The following TRERF1 variants were observed in gnomAD, a reference collection of about 807,000 sequenced individuals.
TRERF1 encodes transcriptional regulating factor 1.
In TRERF1, 27 loss-of-function variants were observed where a neutral mutation model predicts 122.9. The observed-to-expected ratio is 0.22, with a 90% CI of 0.16 to 0.30. The LOEUF (loss-of-function observed/expected upper bound fraction) is 0.30, where lower values mean the gene tolerates loss of function less well. Ranked by LOEUF, TRERF1 falls within the 10% of genes least tolerant of loss-of-function variation. TRERF1 has a pLI of 1.00. For synonymous variants in TRERF1, 636 were observed against 641.7 expected, an observed-to-expected ratio of 0.99 and a Z score of 0.13; for missense variants, 1,248 against 1,560.3, an observed-to-expected ratio of 0.80 and a Z score of 3.37.
In TRERF1 at chr6:42,228,696, A is replaced by G; in HGVS notation, c.3279-27T>C. On this transcript the variant is annotated intron_variant, in intron 17 of 17. Coordinates refer to ENST00000372922, the Ensembl canonical transcript of TRERF1. The surrounding 1 kb of genome is among the most constrained non-coding windows in gnomAD (Gnocchi z 4.2). ...TAAAAATAAAGAAAGAGAGGTGTGT[A>G]GAATTTAGAAGGAGATCTGAGTTCT... 1 of 1,555,452 alleles carries G rather than the reference A, an allele frequency of 6.4e-7. No homozygotes were observed. Among genetic ancestry groups the G allele is most frequent in the Non-Finnish European group, 8.7e-7 (1 of 1,153,738 alleles).
intron 2 of TRERF1, among the ~76,000 whole-genome samples, chr6:42,436,047 T>C (rs1785294277): frequency 6.6e-6 from 1 of 152,020 alleles, no homozygotes; most frequent in Admixed American, 6.6e-5. Context: ...ACTCCATAAA[T>C]ATCTGTTGAA....
chr6:42,402,043 A>T (rs1021716367), intron 2 of TRERF1, among the ~76,000 whole-genome samples: 2 of 152,356 alleles, frequency 1.3e-5, no homozygotes, highest in Non-Finnish European at 2.9e-5. Context: ...ATAAACCTCT[A>T]GTCTAGAAGC....
At chr6:42,399,754 T>A (rs1269752341) in intron 2 of TRERF1, among the ~76,000 whole-genome samples, 6 of 152,154 alleles carry the variant, frequency 3.9e-5, no homozygotes, top group South Asian at 2.1e-4. Flanking sequence ...CAGTGGGTCA[T>A]TGAGACTAGA....
At chr6:42,260,636 C>A (rs985452512) in intron 8 of TRERF1, among the ~76,000 whole-genome samples, 2 of 152,138 alleles carry the variant, frequency 1.3e-5, no homozygotes, top group Admixed American at 6.5e-5. Context: ...ACGGGGATAC[C>A]TGAGGGAAGG....
intron 2 of TRERF1, among the ~76,000 whole-genome samples, chr6:42,401,155 G>C (rs144405651): frequency 2.6e-5 from 4 of 152,178 alleles, no homozygotes; most frequent in African/African-American, 9.7e-5. Flanking sequence ...TTCTATGGGG[G>C]CCAGCAGCAA....
chr6:42,379,090 A>G (rs1023816413), intron 2 of TRERF1, among the ~76,000 whole-genome samples: 16 of 152,192 alleles, frequency 1.1e-4, no homozygotes, highest in Non-Finnish European at 1.2e-4. Context: ...ACTGCACTCC[A>G]GCCTGGGTGA....
intron 2 of TRERF1, among the ~76,000 whole-genome samples, chr6:42,375,728 G>A (rs1430608215): frequency 2.0e-5 from 3 of 152,130 alleles, no homozygotes; most frequent in Non-Finnish European, 4.4e-5. Context: ...GAAGACTGCG[G>A]CTGTGATTAC....
intron 2 of TRERF1, among the ~76,000 whole-genome samples, chr6:42,450,374 C>G (rs2151851068): frequency 6.6e-6 from 1 of 152,336 alleles, no homozygotes; most frequent in East Asian, 1.9e-4. Context: ...GCGGTCATTC[C>G]TAAGCACGAC....
chr6:42,367,942 G>A (rs1211674817), intron 2 of TRERF1, among the ~76,000 whole-genome samples: 1 of 152,064 alleles, frequency 6.6e-6, no homozygotes, highest in African/African-American at 2.4e-5. Flanking sequence ...TCCACAATGG[G>A]GTCCTCAGCT....
intron 4 of TRERF1, among the ~76,000 whole-genome samples, chr6:42,288,323 C>G (rs1190153902): frequency 1.3e-5 from 2 of 152,026 alleles, no homozygotes; most frequent in Non-Finnish European, 2.9e-5. Flanking sequence ...AATCCCAGCA[C>G]TTTGGGAGGC....
chr6:42,260,809 T>C (rs1326179883), intron 8 of TRERF1, among the ~76,000 whole-genome samples: 1 of 152,132 alleles, frequency 6.6e-6, no homozygotes, highest in African/African-American at 2.4e-5. Flanking sequence ...CTCCAGGCCA[T>C]GTGACCTGCC....
chr6:42,400,782 C>T (rs887620373), intron 2 of TRERF1, among the ~76,000 whole-genome samples: 3 of 152,180 alleles, frequency 2.0e-5, no homozygotes, highest in African/African-American at 7.2e-5. Flanking sequence ...TCCTGAATGT[C>T]CCCAAAGTCC....
chr6:42,450,585 G>C (rs1332455380), intron 2 of TRERF1, among the ~76,000 whole-genome samples: 1 of 152,244 alleles, frequency 6.6e-6, no homozygotes, highest in South Asian at 2.1e-4. Context: ...CCAGTCCAGT[G>C]CTGGCCAGAG....
chr6:42,265,103 T>C (rs577530682), intron 6 of TRERF1, among the ~76,000 whole-genome samples: 1 of 152,320 alleles, frequency 6.6e-6, no homozygotes, highest in African/African-American at 2.4e-5. Context: ...AATGTCCTTC[T>C]TCATACCAAG....
chr6:42,388,886 C>A (rs912862250), intron 2 of TRERF1, among the ~76,000 whole-genome samples: 1 of 152,082 alleles, frequency 6.6e-6, no homozygotes, highest in African/African-American at 2.4e-5. Flanking sequence ...AGAAATGAAA[C>A]CACAGGAAGG....
intron 15 of TRERF1, among the ~76,000 whole-genome samples, chr6:42,242,955 C>T (rs577375599): frequency 3.3e-5 from 5 of 152,266 alleles, no homozygotes; most frequent in African/African-American, 1.2e-4. Flanking sequence ...CCAACAAACC[C>T]AAGGCTGGGA....
rs74849423 is a variant in TRERF1 at position 42,234,494 on chromosome 6, C to T, written c.3067-1602G>A. ...CTGGGACTACAGGCGCGCACCACCACGCCCAGGTAAGTTTTGTATTTTTAG... is the reference window on the plus strand; with the variant it reads ...CTGGGACTACAGGCGCGCACCACCATGCCCAGGTAAGTTTTGTATTTTTAG... On this transcript the variant is annotated intron_variant, in intron 16 of 17. Coordinates refer to ENST00000372922, the Ensembl canonical transcript of TRERF1. Among the ~76,000 whole-genome samples, 390 of 152,080 alleles carry T rather than the reference C, an allele frequency of 2.6e-3. 4 individuals are homozygous for T. Among genetic ancestry groups the T allele is most frequent in the African/African-American group, 8.7e-3 (361 of 41,484 alleles).
intron 2 of TRERF1, among the ~76,000 whole-genome samples, chr6:42,384,196 C>T (rs1353127039): frequency 6.6e-6 from 1 of 151,984 alleles, no homozygotes; most frequent in Non-Finnish European, 1.5e-5. Context: ...TGATTTATGA[C>T]AAAGGATTGG....
chr6:42,309,139 G>C (rs904158710), intron 3 of TRERF1, among the ~76,000 whole-genome samples: 30 of 152,070 alleles, frequency 2.0e-4, no homozygotes, highest in African/African-American at 7.0e-4. Context: ...GAGAGGGGTG[G>C]TCCCCAAACA....
Sources: allele counts gnomAD v4.1 joint callset (sites outside exome capture counted in the v4.1 genomes callset), GRCh38; gene constraint gnomAD v4.1.1; non-coding constraint Gnocchi (gnomAD v3.1); transcripts MANE v1.5; gene names NCBI Gene and HGNC (gene_info 2026-07-23, HGNC 2026-07-21).